The following PABIR3 variants were observed in gnomAD, a reference collection of about 807,000 sequenced individuals.
PABIR3 encodes the protein PABIR family member 1.
PABIR3 carries 20 observed loss-of-function variants against 23.1 expected under a neutral mutation model. The observed-to-expected ratio is 0.86, with a 90% CI of 0.61 to 1.26. The LOEUF is 1.26. Among genes scored for constraint, PABIR3 ranks in the 50% most tolerant of loss-of-function variants. PABIR3 has a pLI of 0.00. For synonymous variants in PABIR3, 69 were observed against 68.5 expected (o/e 1.01, Z -0.04); for missense variants, 189 against 195.4 (o/e 0.97, Z 0.20).
chrX:134,848,052 T>C, intron 8 of PABIR3, 81 bp downstream of exon 8: 2 of 853,234 alleles, frequency 2.3e-6, no homozygotes, highest in Non-Finnish European at 3.3e-6. Flanking sequence ...TAGCTCCAAG[T>C]TTTGTGCCAA....
chrX:134,804,188 T>G, upstream of PABIR3: 1 of 1,147,849 alleles, frequency 8.7e-7, no homozygotes, highest in Non-Finnish European at 1.2e-6. Context: ...AAAAGCAGTG[T>G]CCCAAGATCA....
chrX:134,815,884 T>C (rs1368243298), intron 3 of PABIR3, among the ~76,000 whole-genome samples: 4 of 110,775 alleles, frequency 3.6e-5, no homozygotes, highest in Non-Finnish European at 7.6e-5. Context: ...TTTCACCATG[T>C]TGGCCAGGCT....
At chrX:134,835,292 C>G (rs577739509) in intron 4 of PABIR3, 1 of 109,005 alleles carries the variant, frequency 9.2e-6, no homozygotes, top group South Asian at 4.0e-4. Flanking sequence ...GGGGGTTTCA[C>G]CATGTTGGTC....
chrX:134,845,092 T>C, intron 4 of PABIR3, 113 bp from the exon 5 acceptor site: 1 of 584,504 alleles, frequency 1.7e-6, no homozygotes, highest in Non-Finnish European at 2.8e-6. Context: ...ATTTATTCTC[T>C]AGTTCTTCTA....
chrX:134,821,991 TAAGCTTGG>T, intron 3 of PABIR3: 1 of 758,809 alleles, frequency 1.3e-6, no homozygotes, highest in Non-Finnish European at 1.6e-6. Context: ...TAAATGGAAC[TAAGCTTGG>T]TTTTTCCTCC....
chrX:134,827,869 C>T (rs1403153637), intron 3 of PABIR3, among the ~76,000 whole-genome samples: 1 of 109,629 alleles, frequency 9.1e-6, no homozygotes, highest in East Asian at 2.9e-4. Flanking sequence ...GTCCTTTGAA[C>T]TCTGTCCTTT....
At chrX:134,850,026 C>T (rs923420253) in intron 9 of PABIR3, among the ~76,000 whole-genome samples, 6 of 108,139 alleles carry the variant, frequency 5.5e-5, no homozygotes, top group Admixed American at 4.1e-4. Context: ...GTGCCTGCCA[C>T]CATGCCCAGC....
chrX:134,858,110 A>G (rs924742611), downstream of PABIR3, among the ~76,000 whole-genome samples: 80 of 111,963 alleles, frequency 7.1e-4, no homozygotes, highest in Admixed American at 2.9e-3. Context: ...TAATCTTAGT[A>G]TTCAGGGATT....
chrX:134,799,033 T>C (rs2079989670), intron 1 of PABIR3, among the ~76,000 whole-genome samples: 1 of 111,983 alleles, frequency 8.9e-6, no homozygotes, highest in Non-Finnish European at 1.9e-5. Flanking sequence ...TAAATGTAAT[T>C]AGACACAAGA....
chrX:134,807,174 C>G, upstream of PABIR3: 1 of 789,867 alleles, frequency 1.3e-6, no homozygotes, highest in Non-Finnish European at 1.5e-6. Flanking sequence ...CGGCTGATAG[C>G]TTATCGCAGG....
intron 4 of PABIR3, among the ~76,000 whole-genome samples, chrX:134,830,325 CTTTTTT>C (rs766717674): frequency 2.6e-4 from 16 of 62,528 alleles, no homozygotes; most frequent in South Asian, 1.6e-3. Flanking sequence ...GGTTTTTTTC[CTTTTTT>C]TTTTTTTTTT....
the PABIR3 span, among the ~76,000 whole-genome samples, chrX:134,862,545 T>C: frequency 8.9e-6 from 1 of 112,114 alleles, no homozygotes; most frequent in Admixed American, 9.5e-5. Flanking sequence ...AAACTTACAG[T>C]TTCTAGGAGG....
intron 10 of PABIR3, among the ~76,000 whole-genome samples, chrX:134,853,304 G>C (rs1298137179): frequency 8.9e-6 from 1 of 111,783 alleles, no homozygotes; most frequent in Non-Finnish European, 1.9e-5. Context: ...CTGAGCTCAA[G>C]CAATCCGCTT....
chrX:134,833,080 C>G (rs1206347274), intron 4 of PABIR3: 1 of 110,923 alleles, frequency 9.0e-6, no homozygotes, highest in Non-Finnish European at 1.9e-5. Flanking sequence ...TTTGGTATTG[C>G]AGTGGGGGGG....
At chrX:134,840,229 C>G (rs1239990475) in intron 4 of PABIR3, among the ~76,000 whole-genome samples, 2 of 110,947 alleles carry the variant, frequency 1.8e-5, no homozygotes, top group Non-Finnish European at 3.8e-5. Flanking sequence ...TGCGGAAGGC[C>G]GCAGGGTCCT....
At chrX:134,854,060 G>A (rs2082723688) in intron 10 of PABIR3, 31 bp from the exon 11 acceptor site, 4 of 1,205,156 alleles carry the variant, frequency 3.3e-6, no homozygotes, top group Admixed American at 4.4e-5. Flanking sequence ...CTTGAGTTCT[G>A]CTATCAATGA....
chrX:134,816,567 C>T (rs911454704), intron 3 of PABIR3, among the ~76,000 whole-genome samples: 2 of 110,941 alleles, frequency 1.8e-5, no homozygotes, highest in African/African-American at 6.6e-5. Flanking sequence ...GGTGATCCAC[C>T]CGCCTTGGCC....
Position 134,840,930 on chromosome X carries a change from C to T in PABIR3, c.247-4275C>T, listed in dbSNP as rs192124200. Among the ~76,000 whole-genome samples, 291 of 108,926 alleles carry T rather than the reference C, an allele frequency of 2.7e-3. 1 individual carries two copies. The highest frequency in any genetic ancestry group is 3.8e-3 in the Non-Finnish European group (199 of 52,678). The allele number at this position is 108,926 out of a possible 115,157, so 94.6% of individuals were successfully genotyped here. On this transcript the variant is annotated intron_variant, in intron 4 of 10. Transcript: ENST00000645433. ...CACTGCTTGTTCATATTTTATACATCTTTGAAGGACTAGGTCAAATATTTA... is the reference window on the plus strand; with the variant it reads ...CACTGCTTGTTCATATTTTATACATTTTTGAAGGACTAGGTCAAATATTTA...
the PABIR3 span, among the ~76,000 whole-genome samples, chrX:134,859,896 T>C: frequency 9.0e-6 from 1 of 111,240 alleles, no homozygotes; most frequent in African/African-American, 3.3e-5. Flanking sequence ...AGAAAGGAAA[T>C]ACTTTAAAAT....
Sources: allele counts gnomAD v4.1 joint callset (sites outside exome capture counted in the v4.1 genomes callset), GRCh38; gene constraint gnomAD v4.1.1; transcripts MANE v1.5; gene names NCBI Gene and HGNC (gene_info 2026-07-23, HGNC 2026-07-21).